ALK: variants seen among roughly 807,000 people sequenced by gnomAD.
ALK encodes the protein ALK tyrosine kinase receptor.
Under a neutral mutation model 163.1 loss-of-function variants are expected in ALK, and 74 were observed. That is an observed-to-expected ratio of 0.45 (90% CI 0.38 to 0.55). ALK has a LOEUF of 0.55. Among genes scored for constraint, ALK ranks in the 20% least tolerant of loss-of-function variants. The pLI is 0.00. For synonymous variants in ALK, 960 were observed against 843.2 expected (o/e 1.14, Z -2.40); for missense variants, 2,063 against 2,105.3 (o/e 0.98, Z 0.39).
At chr2:29,333,130 T>G (rs972946679) in intron 5 of ALK, among the ~76,000 whole-genome samples, 1 of 151,958 alleles carries the variant, frequency 6.6e-6, no homozygotes, top group Non-Finnish European at 1.5e-5. Context: ...TTTTGTTTTT[T>G]TTTGAGGCAG....
intron 4 of ALK, among the ~76,000 whole-genome samples, chr2:29,523,831 G>A (rs991465844): frequency 2.1e-5 from 3 of 142,064 alleles, no homozygotes; most frequent in Non-Finnish European, 4.6e-5. Context: ...GTCAAATCTC[G>A]AAGGTCAGAA....
In ALK at chr2:29,193,856, C is replaced by CTTT; in HGVS notation, c.4228_4230dup (p.Lys1410dup). 6.2e-7 allele frequency: 1 copy of CTTT among 1,613,740 alleles called. No individual in the cohort carries two copies. The highest frequency in any genetic ancestry group is 8.5e-7 in the Non-Finnish European group (1 of 1,179,870). On this transcript the variant is annotated inframe_insertion, in exon 29 of 29. Coordinates refer to ENST00000389048, the MANE Select transcript of ALK (RefSeq NM_004304.5). ...TCAGGGTCCTTGGGCCTCACAGGCA[C>CTTT]TTTCTCTTCCTCTTCCACAAGTGGA...
intron 3 of ALK, among the ~76,000 whole-genome samples, chr2:29,599,991 G>A (rs1675338313): frequency 1.3e-5 from 2 of 152,078 alleles, no homozygotes; most frequent in South Asian, 2.1e-4. Context: ...TACCCATGGC[G>A]AGGTGAGGAA....
chr2:29,502,700 C>T (rs1365095495), intron 4 of ALK, among the ~76,000 whole-genome samples: 2 of 151,472 alleles, frequency 1.3e-5, no homozygotes, highest in East Asian at 3.9e-4. Flanking sequence ...TTTTTTTTTA[C>T]TCCGCCTGAA....
At chr2:29,416,486 AG>A (rs1201103935) in intron 4 of ALK, among the ~76,000 whole-genome samples, 1 of 152,198 alleles carries the variant, frequency 6.6e-6, no homozygotes, top group Non-Finnish European at 1.5e-5. Flanking sequence ...TCTAGTTCTG[AG>A]GTTGTCAAAG....
chr2:29,259,784 A>G (rs930934394), intron 11 of ALK, among the ~76,000 whole-genome samples: 3 of 152,182 alleles, frequency 2.0e-5, no homozygotes, highest in Non-Finnish European at 4.4e-5. Flanking sequence ...TAGCTTCAAT[A>G]AGGATATTTT....
intron 1 of ALK, among the ~76,000 whole-genome samples, chr2:29,890,062 C>A (rs187985221): frequency 3.9e-5 from 6 of 152,318 alleles, no homozygotes; most frequent in Admixed American, 3.9e-4. Context: ...CATAGAGCAT[C>A]TGCAAGTAGG....
chr2:29,863,161 CAAG>C (rs1666339555), intron 1 of ALK, among the ~76,000 whole-genome samples: 1 of 152,074 alleles, frequency 6.6e-6, no homozygotes, highest in Non-Finnish European at 1.5e-5. Context: ...TGTAAAACCA[CAAG>C]AAGAAAACAT....
intron 1 of ALK, among the ~76,000 whole-genome samples, chr2:29,833,798 A>G (rs1447531260): frequency 2.0e-5 from 3 of 152,238 alleles, no homozygotes; most frequent in Non-Finnish European, 4.4e-5. Context: ...CATCTCAAGC[A>G]TGCAGCATCT....
At position 29,694,992 on chromosome 2, in the gene ALK, G is replaced by A. The variant is rs575893409; in HGVS notation, c.810C>T (p.Phe270=). ...SRYGLECSFD[F]PCELEYSPPL... ...GAGGGGAATACTCCAGCTCACAGGG[G>A]AAGTCAAAGCTGCACTCCAGACCTG... The change falls in exon 3 of 29, where the codon TTC becomes TTT. Residue 270 remains phenylalanine (F), a synonymous_variant. Coordinates refer to ENST00000389048, the MANE Select transcript of ALK (RefSeq NM_004304.5). 3.7e-6 allele frequency: 6 copies of A among 1,614,078 alleles called. No homozygotes were observed. In the South Asian group the frequency reaches 6.6e-5, roughly 18 times the overall value.
chr2:29,322,678 A>G (rs1196340987), intron 6 of ALK, among the ~76,000 whole-genome samples: 1 of 152,194 alleles, frequency 6.6e-6, no homozygotes, highest in African/African-American at 2.4e-5. Context: ...GACTAAAAAT[A>G]CAGAAATTAG....
At chr2:29,265,299 T>A (rs1665193173) in intron 11 of ALK, among the ~76,000 whole-genome samples, 1 of 152,190 alleles carries the variant, frequency 6.6e-6, no homozygotes, top group Non-Finnish European at 1.5e-5. Context: ...ATTACAGGCA[T>A]GAGCCACTGT....
At chr2:29,730,565 C>T (rs1352140306) in intron 1 of ALK, among the ~76,000 whole-genome samples, 1 of 152,098 alleles carries the variant, frequency 6.6e-6, no homozygotes, top group African/African-American at 2.4e-5. Flanking sequence ...GCCTTTGATC[C>T]TCATAAAGGT....
chr2:29,203,293 C>A (rs1669226545), intron 26 of ALK, among the ~76,000 whole-genome samples: 1 of 149,276 alleles, frequency 6.7e-6, no homozygotes, highest in Non-Finnish European at 1.5e-5. Context: ...GACATGATCT[C>A]AGCTCCAGGC....
chr2:29,242,645 C>G (rs1463001483), intron 12 of ALK, among the ~76,000 whole-genome samples: 1 of 152,198 alleles, frequency 6.6e-6, no homozygotes, highest in East Asian at 1.9e-4. Context: ...CCCCGTTCTT[C>G]TGGCTGTGTG....
chr2:29,436,584 T>C (rs1056522661), intron 4 of ALK, among the ~76,000 whole-genome samples: 7 of 152,226 alleles, frequency 4.6e-5, no homozygotes, highest in Non-Finnish European at 7.3e-5. Flanking sequence ...CTGGGTATCA[T>C]GAGGCCTTTG....
intron 1 of ALK, among the ~76,000 whole-genome samples, chr2:29,918,486 G>A (rs1413301016): frequency 6.6e-6 from 1 of 152,204 alleles, no homozygotes; most frequent in African/African-American, 2.4e-5. Flanking sequence ...TCAGTTCACT[G>A]AAGGCACTAT....
intron 1 of ALK, among the ~76,000 whole-genome samples, chr2:29,803,257 C>T (rs954615748): frequency 6.6e-6 from 1 of 152,186 alleles, no homozygotes; most frequent in East Asian, 1.9e-4. Flanking sequence ...AGCTTCTGAA[C>T]AACCTAGCCC....
chr2:29,909,050 C>T (rs770989429), intron 1 of ALK, among the ~76,000 whole-genome samples: 3 of 152,134 alleles, frequency 2.0e-5, no homozygotes, highest in African/African-American at 4.8e-5. Context: ...CTCTTTGGTG[C>T]GCACCTCCCA....
Sources: allele counts gnomAD v4.1 joint callset (sites outside exome capture counted in the v4.1 genomes callset), GRCh38; gene constraint gnomAD v4.1.1; transcripts MANE v1.5; gene names NCBI Gene and HGNC (gene_info 2026-07-23, HGNC 2026-07-21).